TBC1D19: variants seen among roughly 807,000 people sequenced by gnomAD.
TBC1D19 encodes the protein TBC1 domain family member 19.
Under a neutral mutation model 89.0 loss-of-function variants are expected in TBC1D19, and 60 were observed. That is an observed-to-expected ratio of 0.67 (90% CI 0.55 to 0.84). The LOEUF is 0.84. Ranked by LOEUF, TBC1D19 falls within the 40% of genes least tolerant of loss-of-function variation. The pLI is 0.00. For synonymous variants in TBC1D19, 189 were observed against 199.7 expected (o/e 0.95, Z 0.45); for missense variants, 500 against 610.8 (o/e 0.82, Z 1.91).
intron 10 of TBC1D19, among the ~76,000 whole-genome samples, chr4:26,672,726 T>C (rs1464414292): frequency 6.6e-6 from 1 of 151,974 alleles, no homozygotes; most frequent in African/African-American, 2.4e-5. Context: ...AGATATGAAG[T>C]ACAGATTGGT....
At chr4:26,786,821 C>G in the TBC1D19 span, among the ~76,000 whole-genome samples, 1 of 151,452 alleles carries the variant, frequency 6.6e-6, no homozygotes, top group Admixed American at 6.6e-5. Flanking sequence ...GGAAGGATGG[C>G]AGCCAGATGG....
the TBC1D19 span, among the ~76,000 whole-genome samples, chr4:26,800,026 T>C: frequency 6.6e-6 from 1 of 152,156 alleles, no homozygotes; most frequent in African/African-American, 2.4e-5. Flanking sequence ...ATTATCATAC[T>C]TTAAGTTTTA....
At chr4:26,807,452 G>A in the TBC1D19 span, among the ~76,000 whole-genome samples, 6 of 152,300 alleles carry the variant, frequency 3.9e-5, no homozygotes, top group African/African-American at 1.2e-4. Context: ...GCCCTCTCTA[G>A]GGAAATCTCT....
chr4:26,745,656 G>A (rs1233147753), intron 18 of TBC1D19, among the ~76,000 whole-genome samples: 2 of 151,318 alleles, frequency 1.3e-5, no homozygotes, highest in Middle Eastern at 3.4e-3. Context: ...ACAGGTGCAC[G>A]CCACCATGCG....
the TBC1D19 span, among the ~76,000 whole-genome samples, chr4:26,821,763 A>T: frequency 6.6e-6 from 1 of 152,220 alleles, no homozygotes; most frequent in Non-Finnish European, 1.5e-5. Context: ...TCATGCTGGA[A>T]GTCCCTGTCC....
chr4:26,686,210 T>G (rs951218316), intron 12 of TBC1D19, among the ~76,000 whole-genome samples: 1 of 152,178 alleles, frequency 6.6e-6, no homozygotes, highest in African/African-American at 2.4e-5. Flanking sequence ...GGAATTCTTT[T>G]AAAGGTTAAA....
At chr4:26,586,964 G>T (rs1374562212) in intron 1 of TBC1D19, among the ~76,000 whole-genome samples, 1 of 152,068 alleles carries the variant, frequency 6.6e-6, no homozygotes, top group African/African-American at 2.4e-5. Flanking sequence ...TACTGTACTG[G>T]ATAATGCCTC....
At chr4:26,593,075 G>A (rs4568227) in intron 1 of TBC1D19, among the ~76,000 whole-genome samples, 4 of 151,870 alleles carry the variant, frequency 2.6e-5, no homozygotes, top group Admixed American at 6.6e-5. Flanking sequence ...ATCACACTAC[G>A]TGACTTCAAA....
At chr4:26,644,142 T>C (rs534271112) in intron 7 of TBC1D19, among the ~76,000 whole-genome samples, 4 of 152,164 alleles carry the variant, frequency 2.6e-5, no homozygotes, top group African/African-American at 7.2e-5. Flanking sequence ...TTTAGACCAA[T>C]ACCCCGATGA....
the TBC1D19 span, among the ~76,000 whole-genome samples, chr4:26,824,683 CT>C: frequency 1.3e-3 from 194 of 148,352 alleles, no homozygotes; most frequent in Middle Eastern, 3.5e-3. Context: ...TTCTTTCTTT[CT>C]TTTTTTTTTG....
the TBC1D19 span, among the ~76,000 whole-genome samples, chr4:26,781,301 G>A: frequency 6.6e-6 from 1 of 152,088 alleles, no homozygotes; most frequent in African/African-American, 2.4e-5. Context: ...CTAGAGGTAA[G>A]GGGGGCTGGG....
the TBC1D19 span, among the ~76,000 whole-genome samples, chr4:26,820,947 A>T: frequency 2.3e-4 from 35 of 152,358 alleles, 2 homozygotes; most frequent in Admixed American, 2.1e-3. Flanking sequence ...CACCTGGAAT[A>T]CAGTGGGCAT....
At chr4:26,853,823 C>T in the TBC1D19 span, among the ~76,000 whole-genome samples, 1 of 152,234 alleles carries the variant, frequency 6.6e-6, no homozygotes, top group African/African-American at 2.4e-5. Context: ...GCGTGAGCCA[C>T]CGCGCCTGGC....
chr4:26,654,691 G>A (rs957203725), intron 7 of TBC1D19, among the ~76,000 whole-genome samples: 17 of 152,010 alleles, frequency 1.1e-4, no homozygotes, highest in East Asian at 9.6e-4. Flanking sequence ...TTGTGCATTC[G>A]TCACGTAGTT....
At chr4:26,701,208 A>G (rs141499912) in intron 13 of TBC1D19, among the ~76,000 whole-genome samples, 4 of 152,274 alleles carry the variant, frequency 2.6e-5, no homozygotes, top group Non-Finnish European at 5.9e-5. Flanking sequence ...ACAGACAAAA[A>G]CTTCAAAGCA....
chr4:26,628,724 CAGAG>C (rs994969303), intron 4 of TBC1D19, among the ~76,000 whole-genome samples: 33 of 151,942 alleles, frequency 2.2e-4, no homozygotes, highest in Non-Finnish European at 4.7e-4. Flanking sequence ...AACAGACAAA[CAGAG>C]AGCCAAATCA....
At chr4:26,622,534 T>G (rs1356095881) in intron 4 of TBC1D19, among the ~76,000 whole-genome samples, 1 of 152,154 alleles carries the variant, frequency 6.6e-6, no homozygotes, top group African/African-American at 2.4e-5. Flanking sequence ...GACTTTCCCA[T>G]GTATATCACG....
intron 7 of TBC1D19, among the ~76,000 whole-genome samples, chr4:26,646,683 C>G (rs866361595): frequency 6.6e-6 from 1 of 152,152 alleles, no homozygotes; most frequent in Admixed American, 6.5e-5. Context: ...TCATTCTGAG[C>G]AAACTATCGC....
the TBC1D19 span, among the ~76,000 whole-genome samples, chr4:26,792,829 C>G: frequency 2.6e-5 from 4 of 152,222 alleles, no homozygotes; most frequent in Non-Finnish European, 5.9e-5. Flanking sequence ...CCAGGCCTTC[C>G]AGGCCTCTGC....
Sources: allele counts gnomAD v4.1 joint callset (sites outside exome capture counted in the v4.1 genomes callset), GRCh38; gene constraint gnomAD v4.1.1; transcripts MANE v1.5; gene names NCBI Gene and HGNC (gene_info 2026-07-23, HGNC 2026-07-21).